CD163L1: variants seen among roughly 807,000 people sequenced by gnomAD.
CD163L1 encodes the protein scavenger receptor cysteine-rich type 1 protein M160.
A neutral mutation model predicts 165.4 loss-of-function variants in CD163L1; 124 were observed. The observed-to-expected ratio is 0.75, with a 90% CI of 0.65 to 0.87. CD163L1 has a LOEUF of 0.87. Among genes scored for constraint, CD163L1 ranks in the 40% least tolerant of loss-of-function variants. The pLI is 0.00. For synonymous variants in CD163L1, 585 were observed against 662.2 expected (o/e 0.88, Z 1.79); for missense variants, 1,525 against 1,799.9 (o/e 0.85, Z 2.76).
chr12:7,407,766 T>C (rs933394084), intron 4 of CD163L1, among the ~76,000 whole-genome samples: 1 of 148,232 alleles, frequency 6.7e-6, no homozygotes, highest in Middle Eastern at 3.5e-3. Flanking sequence ...TGTGTATATA[T>C]ACACACACAC....
chr12:7,424,050 C>A (rs781697346), intron 4 of CD163L1, among the ~76,000 whole-genome samples: 5 of 152,134 alleles, frequency 3.3e-5, no homozygotes, highest in Admixed American at 6.6e-5. Context: ...AGGTCAATAT[C>A]CCTGATGAAC....
At chr12:7,435,235 AAAATT>A (rs1240182986) in intron 2 of CD163L1, among the ~76,000 whole-genome samples, 5 of 149,968 alleles carry the variant, frequency 3.3e-5, no homozygotes, top group Non-Finnish European at 7.4e-5. Flanking sequence ...AAGGTGTGAT[AAAATT>A]AAAGAAAACT....
chr12:7,415,379 A>G (rs936882737), intron 4 of CD163L1, among the ~76,000 whole-genome samples: 1 of 152,172 alleles, frequency 6.6e-6, no homozygotes, highest in African/African-American at 2.4e-5. Context: ...ACATCACAAA[A>G]GAAGACTTTA....
chr12:7,433,533 C>T lies in CD163L1; in HGVS notation c.286G>A (p.Ala96Thr), dbSNP rs758979638. 17 of 1,614,074 alleles carry T rather than the reference C, an allele frequency of 1.1e-5. No homozygotes were observed. In the East Asian group the frequency reaches 1.1e-4, roughly 11 times the overall value. The change falls in exon 3 of 20, where the codon GCC becomes ACC. Residue 96 changes from alanine (A) to threonine (T), a missense_variant. Physicochemically the swap from Ala to Thr is moderately conservative, Grantham distance 58. Coordinates refer to ENST00000313599, the MANE Select transcript of CD163L1 (RefSeq NM_174941.6). ...ACGGCTTGTCCAAAACGAAACATGG[C>T]GAAAGAAAATGGACATCCAAGCTGT... ...CKQLGCPFSFAMFRFGQAVTR... is the reference protein window; with the variant it reads ...CKQLGCPFSFTMFRFGQAVTR...
rs746815420 is a variant in CD163L1 at position 7,369,375 on chromosome 12, C to T, written c.4021G>A (p.Ala1341Thr). Reference protein sequence around the residue: ...GQSDCGHKEDAGVRCSGQSLK... With the variant: ...GQSDCGHKEDTGVRCSGQSLK... ...CACTTACCAGAGCACCTCACGCCAG[C>T]ATCTTCCTTGTGTCCACAGTCACTC... The change falls in exon 15 of 20, where the codon GCT becomes ACT. Residue 1341 changes from alanine to threonine, a missense_variant. Ala to Thr is a moderately conservative substitution (Grantham distance 58). Transcript: ENST00000313599. The surrounding 1 kb of genome is among the most constrained non-coding windows in gnomAD (Gnocchi z 4.9). The T allele has an allele frequency of 1.2e-6, 2 of 1,614,124 alleles. No homozygotes were observed. The highest frequency in any genetic ancestry group is 1.7e-6 in the Non-Finnish European group (2 of 1,179,998).
intron 4 of CD163L1, among the ~76,000 whole-genome samples, chr12:7,422,134 A>T (rs926832302): frequency 1.2e-4 from 19 of 152,134 alleles, no homozygotes; most frequent in African/African-American, 3.9e-4. Context: ...TCCGCTGGTG[A>T]TAACTAGGCA....
the CD163L1 span, among the ~76,000 whole-genome samples, chr12:7,325,818 A>G: frequency 6.6e-6 from 1 of 152,208 alleles, no homozygotes; most frequent in African/African-American, 2.4e-5. Context: ...TACAGACACA[A>G]CAAGTGACAA....
intron 2 of CD163L1, among the ~76,000 whole-genome samples, chr12:7,437,200 ATTAC>A (rs1565820080): frequency 6.9e-6 from 1 of 144,906 alleles, no homozygotes; most frequent in Non-Finnish European, 1.5e-5. Flanking sequence ...TTTTAATAGT[ATTAC>A]TTTTTTATTT....
At chr12:7,375,178 AC>A in intron 11 of CD163L1, 102 bp downstream of exon 11, 2 of 1,142,848 alleles carry the variant, frequency 1.8e-6, no homozygotes, top group Non-Finnish European at 2.5e-6. Flanking sequence ...TCCCCCCTCC[AC>A]CTGCACCCCC....
rs923881575 is a variant in CD163L1, at chr12:7,440,081, C to T, written c.124+1073G>A. ...CGCGCTCCGCCCTACTCCACATCAG[C>T]GGCGTAACGGAAGCCGACCAATGGC... On this transcript the variant is annotated intron_variant, in intron 2 of 19. Coordinates refer to ENST00000313599, the MANE Select transcript of CD163L1 (RefSeq NM_174941.6). The T allele has an allele frequency of 1.2e-5, 12 of 1,002,868 alleles. No homozygotes were observed. The South Asian group carries it at 1.6e-4, about 13-fold the overall frequency. 62.1% of individuals were successfully genotyped at this position (1,002,868 alleles called of 1,614,324 possible).
At chr12:7,341,528 T>C in the CD163L1 span, among the ~76,000 whole-genome samples, 1,148 of 152,344 alleles carry the variant, frequency 7.5e-3, 13 homozygotes, top group African/African-American at 0.026. Context: ...ATGATAGCTC[T>C]AAGTGTTTTA....
chr12:7,321,930 A>G, the CD163L1 span, among the ~76,000 whole-genome samples: 1 of 152,206 alleles, frequency 6.6e-6, no homozygotes, highest in African/African-American at 2.4e-5. Context: ...TGCCTGGTAC[A>G]GAGTTTCATG....
intron 4 of CD163L1, among the ~76,000 whole-genome samples, chr12:7,412,644 A>G (rs1948158586): frequency 6.6e-6 from 1 of 151,304 alleles, no homozygotes. Flanking sequence ...GATCACAGGA[A>G]AAAAAAAATG....
chr12:7,422,653 C>A (rs1428692400), intron 4 of CD163L1, among the ~76,000 whole-genome samples: 1 of 148,920 alleles, frequency 6.7e-6, no homozygotes, highest in Non-Finnish European at 1.5e-5. Flanking sequence ...CATATATATT[C>A]ATATATATCT....
At chr12:7,324,753 A>G in the CD163L1 span, among the ~76,000 whole-genome samples, 1 of 152,176 alleles carries the variant, frequency 6.6e-6, no homozygotes, top group Admixed American at 6.5e-5. Context: ...CAACTTTACA[A>G]TAAGTTGTGT....
At chr12:7,406,453 T>G in intron 5 of CD163L1, 79 bp downstream of exon 5, 1 of 1,361,976 alleles carries the variant, frequency 7.3e-7, no homozygotes, top group Non-Finnish European at 1.0e-6. Flanking sequence ...CACAATTGGT[T>G]GTAACTTTTT....
the CD163L1 span, among the ~76,000 whole-genome samples, chr12:7,329,958 G>A: frequency 6.6e-6 from 1 of 152,162 alleles, no homozygotes; most frequent in East Asian, 1.9e-4. Context: ...TGTATGTTCT[G>A]TAGGCATATG....
chr12:7,443,852 C>T (rs1429372734), intron 1 of CD163L1, among the ~76,000 whole-genome samples: 2 of 152,254 alleles, frequency 1.3e-5, no homozygotes, highest in Admixed American at 1.3e-4. Flanking sequence ...GACTTCTAAT[C>T]TCCAGTCTTT....
intron 18 of CD163L1, among the ~76,000 whole-genome samples, chr12:7,359,297 A>C (rs1230089374): frequency 1.3e-5 from 2 of 151,944 alleles, no homozygotes; most frequent in Non-Finnish European, 2.9e-5. Context: ...CAAACAAAAA[A>C]CCCCGGAATT....
Sources: gnomAD v4.1 joint callset for allele counts (sites outside exome capture counted in the v4.1 genomes callset) on GRCh38, gnomAD v4.1.1 for gene constraint, Gnocchi (gnomAD v3.1) non-coding constraint, MANE v1.5 for transcripts, NCBI Gene and HGNC (gene_info 2026-07-23, HGNC 2026-07-21) for gene names.